The following PDGFC variants were observed in gnomAD, a reference collection of about 807,000 sequenced individuals.
The protein encoded by PDGFC is platelet derived growth factor C.
A neutral mutation model predicts 35.5 loss-of-function variants in PDGFC; 12 were observed. The observed-to-expected ratio is 0.34, with a 90% CI of 0.22 to 0.55. The LOEUF (loss-of-function observed/expected upper bound fraction) is 0.55, where lower values mean the gene tolerates loss of function less well. PDGFC is among the 20% of genes least tolerant of loss of function. PDGFC has a pLI of 0.91. For missense variants in PDGFC, 322 were observed against 412.4 expected (o/e 0.78, Z 1.90); for synonymous variants, 159 against 148.8 (o/e 1.07, Z -0.50).
In PDGFC at chr4:156,971,178, T is replaced by TGGTGGG; in HGVS notation, c.-281_-276dup. On this transcript the variant is annotated 5_prime_UTR_variant, in exon 1 of 6. Coordinates refer to ENST00000502773, the MANE Select transcript of PDGFC (RefSeq NM_016205.3). Reference sequence around the variant, plus strand: ...AAACAAATCCTGAGCTGTGGCGAAGTGGTGGGGGTGGGGGTGAAGGCGAGG... The same window carrying TGGTGGG: ...AAACAAATCCTGAGCTGTGGCGAAGTGGTGGGGGTGGGGGTGGGGGTGAAGGCGAGG... 1.2e-5 allele frequency: 1 copy of TGGTGGG among 83,432 alleles called. No homozygotes were observed. The highest frequency in any genetic ancestry group is 1.4e-4 in the East Asian group (1 of 7,330). The allele number at this position is 83,432 out of a possible 1,614,324, so 5.2% of individuals were successfully genotyped here.
At position 156,760,736 on chromosome 4, in the gene PDGFC, C is replaced by T. The variant is rs1730357782; in HGVS notation, c.*2354G>A. 1.3e-5 allele frequency: 2 copies of T among 152,106 alleles called. No individual in the cohort carries two copies. Among genetic ancestry groups the T allele is most frequent in the South Asian group, 4.2e-4 (2 of 4,810 alleles). 9.4% of individuals were successfully genotyped at this position (152,106 alleles called of 1,614,324 possible). A position where few individuals can be genotyped will look rare whatever the true frequency, so the allele number is the denominator to read the frequency against. On this transcript the variant is annotated 3_prime_UTR_variant, in exon 6 of 6. Transcript: ENST00000502773. ...ACCGACTGGCAACTGAGGACTGCTA[C>T]CCTTATGATCTCTTCTGGCTGTCAA...
intron 1 of PDGFC, among the ~76,000 whole-genome samples, chr4:156,872,194 T>C (rs561065259): frequency 4.6e-5 from 7 of 152,194 alleles, no homozygotes; most frequent in African/African-American, 1.2e-4. Flanking sequence ...TGCCATTTAA[T>C]ATATGCTAAT....
chr4:156,763,057 A>G lies in PDGFC; in HGVS notation c.*33T>C, dbSNP rs370385172. 11 of 1,107,220 alleles carry G rather than the reference A, an allele frequency of 9.9e-6. No homozygotes were observed. The African/African-American group carries it at 1.5e-4, about 15-fold the overall frequency. The allele number at this position is 1,107,220 out of a possible 1,614,324, so 68.6% of individuals were successfully genotyped here. The stretch of plus-strand genomic sequence containing the variant: ...AATAGAATCAGCCACTGCACTGCAC[A>G]GCTCTGGGCAAGAGCTGCTGGTGGT... On this transcript the variant is annotated 3_prime_UTR_variant, in exon 6 of 6. Coordinates refer to ENST00000502773, the MANE Select transcript of PDGFC (RefSeq NM_016205.3).
chr4:156,773,474 G>C (rs1465859049), intron 3 of PDGFC, among the ~76,000 whole-genome samples: 1 of 152,112 alleles, frequency 6.6e-6, no homozygotes, highest in Non-Finnish European at 1.5e-5. Flanking sequence ...AAGATTAAGA[G>C]ATCGGAGGGA....
chr4:156,764,376 C>G (rs1730461281), intron 5 of PDGFC, among the ~76,000 whole-genome samples: 2 of 152,258 alleles, frequency 1.3e-5, no homozygotes, highest in Admixed American at 6.5e-5. Context: ...TTTTTACATA[C>G]TTTAACTCAC....
chr4:156,831,662 T>C (rs541884530), intron 2 of PDGFC, among the ~76,000 whole-genome samples: 1 of 151,906 alleles, frequency 6.6e-6, no homozygotes, highest in African/African-American at 2.4e-5. Context: ...CAGGCTGGTC[T>C]CCAACTCCTG....
intron 2 of PDGFC, among the ~76,000 whole-genome samples, chr4:156,825,587 T>TAAGAAGAAGAAGAAGAAG (rs1390899557): frequency 6.0e-4 from 52 of 87,186 alleles, no homozygotes; most frequent in Middle Eastern, 5.2e-3. Flanking sequence ...ATAATAATAA[T>TAAGAAGAAGAAGAAGAAG]AATAATAAGA....
intron 3 of PDGFC, among the ~76,000 whole-genome samples, chr4:156,800,307 T>C (rs988583619): frequency 3.9e-5 from 6 of 152,182 alleles, no homozygotes; most frequent in African/African-American, 1.4e-4. Flanking sequence ...CCTTTCAAAA[T>C]TAACATCTTT....
At chr4:156,807,599 C>T (rs936669537) in intron 3 of PDGFC, among the ~76,000 whole-genome samples, 1 of 151,804 alleles carries the variant, frequency 6.6e-6, no homozygotes, top group African/African-American at 2.4e-5. Flanking sequence ...TTTTTAATGG[C>T]AACTTGTGTG....
Position 156,791,172 on chromosome 4 carries a change from C to T in PDGFC, c.496-18279G>A, listed in dbSNP as rs1290166094. Among the ~76,000 whole-genome samples, 3 of 152,098 alleles carry T rather than the reference C, an allele frequency of 2.0e-5. No individual in the cohort carries two copies. The East Asian group carries it at 5.8e-4, about 29-fold the overall frequency. On this transcript the variant is annotated intron_variant, in intron 3 of 5. Coordinates refer to ENST00000502773, the MANE Select transcript of PDGFC (RefSeq NM_016205.3). ...GTCACAGGAACATTTGTCTCTGCCACCAGAACACCAAGGAAAGATGGATCT... is the reference window on the plus strand; with the variant it reads ...GTCACAGGAACATTTGTCTCTGCCATCAGAACACCAAGGAAAGATGGATCT...
In PDGFC at chr4:156,850,269, G is replaced by T. The variant is rs368835623; in HGVS notation, c.266C>A (p.Thr89Lys). 6.2e-7 allele frequency: 1 copy of T among 1,603,734 alleles called. No homozygotes were observed. The highest frequency in any genetic ancestry group is 1.1e-5 in the South Asian group (1 of 89,308). Reference protein sequence around the residue: ...AVEENVWIQLTFDERFGLEDP... With the variant: ...AVEENVWIQLKFDERFGLEDP... ...TTCAAGCCCAAATCTTTCATCAAAC[G>T]TAAGTTGTATCCATACATTTTCCTC... The change falls in exon 2 of 6, where the codon ACG becomes AAG. Residue 89 changes from threonine (T) to lysine (K), a missense_variant. By Grantham distance (78) the Thr-to-Lys change is moderately conservative. Coordinates refer to ENST00000502773, the MANE Select transcript of PDGFC (RefSeq NM_016205.3).
At chr4:156,963,614 G>T (rs1270175646) in intron 1 of PDGFC, among the ~76,000 whole-genome samples, 1 of 152,164 alleles carries the variant, frequency 6.6e-6, no homozygotes, top group African/African-American at 2.4e-5. Flanking sequence ...GTCTGGTGTG[G>T]AAACAGGGCA....
chr4:156,941,821 T>C (rs1731813597), intron 1 of PDGFC, among the ~76,000 whole-genome samples: 1 of 152,100 alleles, frequency 6.6e-6, no homozygotes, highest in Non-Finnish European at 1.5e-5. Flanking sequence ...CTGAGATATG[T>C]GATCAAAATA....
chr4:156,768,775 G>A (rs1199809139), intron 4 of PDGFC, among the ~76,000 whole-genome samples: 1 of 151,962 alleles, frequency 6.6e-6, no homozygotes, highest in African/African-American at 2.4e-5. Context: ...TATGCTGTTT[G>A]TGCTTTATTC....
intron 3 of PDGFC, among the ~76,000 whole-genome samples, chr4:156,790,840 CAAT>C (rs1171344039): frequency 6.6e-6 from 1 of 152,152 alleles, no homozygotes; most frequent in Non-Finnish European, 1.5e-5. Flanking sequence ...CGGGGCAAGC[CAAT>C]AAATTAAGTT....
chr4:156,967,381 A>T (rs1732491344), intron 1 of PDGFC: 1 of 152,238 alleles, frequency 6.6e-6, no homozygotes, highest in African/African-American at 2.4e-5. Context: ...CACGACCAGC[A>T]GACCAAAGTA....
At chr4:156,885,231 C>T (rs1394960281) in intron 1 of PDGFC, among the ~76,000 whole-genome samples, 1 of 152,104 alleles carries the variant, frequency 6.6e-6, no homozygotes, top group Non-Finnish European at 1.5e-5. Context: ...AGTTTAGCCT[C>T]AGTTCTACTC....
At chr4:156,795,774 A>C (rs1187383109) in intron 3 of PDGFC, among the ~76,000 whole-genome samples, 1 of 152,166 alleles carries the variant, frequency 6.6e-6, no homozygotes, top group African/African-American at 2.4e-5. Context: ...GTTGGAACCA[A>C]ATTACATAAA....
At chr4:156,868,104 C>T (rs374715397) in intron 1 of PDGFC, among the ~76,000 whole-genome samples, 34 of 151,940 alleles carry the variant, frequency 2.2e-4, no homozygotes, top group South Asian at 6.2e-4. Flanking sequence ...TGTGAGCCAC[C>T]GCACCCAGCC....
Sources: allele counts gnomAD v4.1 joint callset (sites outside exome capture counted in the v4.1 genomes callset), GRCh38; gene constraint gnomAD v4.1.1; transcripts MANE v1.5; gene names NCBI Gene and HGNC (gene_info 2026-07-23, HGNC 2026-07-21).